Variants in MICU2 observed in about 807,000 individuals in gnomAD.
The protein encoded by MICU2 is calcium uptake protein 2, mitochondrial.
MICU2 carries 64 observed loss-of-function variants against 60.4 expected under a neutral mutation model. The ratio of observed to expected loss-of-function variants is 1.06; its 90% CI spans 0.87 to 1.31. The LOEUF is 1.31. MICU2 is among the 50% of genes most tolerant of loss of function. The pLI, the probability that MICU2 is intolerant of heterozygous loss-of-function variation, is 0.00. For missense variants in MICU2, 569 were observed against 531.0 expected (o/e 1.07, Z -0.70); for synonymous variants, 201 against 175.0 (o/e 1.15, Z -1.17).
intron 4 of MICU2, among the ~76,000 whole-genome samples, chr13:21,532,123 A>C (rs1313331848): frequency 1.3e-5 from 2 of 152,244 alleles, no homozygotes; most frequent in Non-Finnish European, 2.9e-5. Flanking sequence ...AATGAAGAGA[A>C]CACTGATCTC....
intron 1 of MICU2, among the ~76,000 whole-genome samples, chr13:21,580,951 A>G (rs76214969): frequency 0.015 from 2,283 of 152,230 alleles, 43 homozygotes; most frequent in African/African-American, 0.047. Context: ...ACTGGGTTAG[A>G]ATAGAGAATG....
chr13:21,493,734 T>C (rs1054250891), intron 11 of MICU2, among the ~76,000 whole-genome samples: 1 of 151,792 alleles, frequency 6.6e-6, no homozygotes, highest in African/African-American at 2.4e-5. Flanking sequence ...TGTTTAGCTA[T>C]GTAGAATACA....
intron 2 of MICU2, among the ~76,000 whole-genome samples, chr13:21,555,378 A>G (rs1473194230): frequency 3.3e-5 from 5 of 152,230 alleles, no homozygotes; most frequent in Non-Finnish European, 7.3e-5. Context: ...ACGAAAATCA[A>G]TAAACGTAAT....
At chr13:21,555,310 A>G (rs1887679037) in intron 2 of MICU2, among the ~76,000 whole-genome samples, 1 of 152,210 alleles carries the variant, frequency 6.6e-6, no homozygotes, top group African/African-American at 2.4e-5. Flanking sequence ...CACATCAAAA[A>G]GCTTATCCAC....
intron 4 of MICU2, among the ~76,000 whole-genome samples, chr13:21,536,965 C>T (rs1887144726): frequency 6.6e-6 from 1 of 152,222 alleles, no homozygotes; most frequent in Non-Finnish European, 1.5e-5. Flanking sequence ...AGCTTAGAAA[C>T]TGTAAATTCA....
chr13:21,553,476 G>C (rs1233424548), intron 2 of MICU2, among the ~76,000 whole-genome samples: 2 of 152,026 alleles, frequency 1.3e-5, no homozygotes, highest in South Asian at 2.1e-4. Context: ...ATGTTGAATA[G>C]GAGTGGTGAG....
At chr13:21,575,380 C>T (rs1888198881) in intron 1 of MICU2, among the ~76,000 whole-genome samples, 1 of 150,670 alleles carries the variant, frequency 6.6e-6, no homozygotes, top group South Asian at 2.1e-4. Flanking sequence ...ATATTTCTGT[C>T]TCTGTTTGAA....
chr13:21,507,932 CTT>C (rs1490921163), intron 8 of MICU2, among the ~76,000 whole-genome samples: 1 of 151,526 alleles, frequency 6.6e-6, no homozygotes, highest in Non-Finnish European at 1.5e-5. Context: ...TTCTCTCTTT[CTT>C]TCTTTCTTTT....
chr13:21,578,324 C>A (rs187182445), intron 1 of MICU2, among the ~76,000 whole-genome samples: 1 of 152,218 alleles, frequency 6.6e-6, no homozygotes, highest in African/African-American at 2.4e-5. Context: ...TAGTGGCCCA[C>A]GCCTTTAATC....
chr13:21,512,927 T>C (rs897368557), intron 7 of MICU2, among the ~76,000 whole-genome samples: 1 of 152,194 alleles, frequency 6.6e-6, no homozygotes. Context: ...TTTATTCTTT[T>C]ACACATAGAT....
At chr13:21,494,664 T>C (rs1414893916) in intron 11 of MICU2, among the ~76,000 whole-genome samples, 2 of 152,154 alleles carry the variant, frequency 1.3e-5, no homozygotes, top group Non-Finnish European at 2.9e-5. Flanking sequence ...TCTAATTACA[T>C]GTAGTTAGTC....
chr13:21,525,979 G>A (rs563693662), intron 4 of MICU2, among the ~76,000 whole-genome samples: 6 of 151,438 alleles, frequency 4.0e-5, no homozygotes, highest in African/African-American at 1.5e-4. Flanking sequence ...CTGTTTCCCG[G>A]GCTGGAGTAC....
intron 2 of MICU2, among the ~76,000 whole-genome samples, chr13:21,555,005 C>A (rs1466203449): frequency 6.6e-6 from 1 of 152,086 alleles, no homozygotes; most frequent in African/African-American, 2.4e-5. Flanking sequence ...CAATAACAGG[C>A]TCTGAAATTG....
chr13:21,549,116 A>G (rs776751102), intron 2 of MICU2, among the ~76,000 whole-genome samples: 6 of 151,452 alleles, frequency 4.0e-5, no homozygotes, highest in African/African-American at 1.2e-4. Flanking sequence ...TTTTTAGTAG[A>G]GACGGGGTTT....
intron 2 of MICU2, among the ~76,000 whole-genome samples, chr13:21,559,818 C>A (rs950283619): frequency 2.6e-5 from 4 of 152,156 alleles, no homozygotes; most frequent in Non-Finnish European, 5.9e-5. Context: ...AGCCACCATG[C>A]CCAGCCCAAA....
At position 21,502,966 on chromosome 13, in the gene MICU2, A is replaced by G. The variant is rs762263379; in HGVS notation, c.893T>C (p.Ile298Thr). The change falls in exon 9 of 12, where the codon ATT becomes ACT. Residue 298 changes from isoleucine to threonine, a missense_variant. By Grantham distance (89) the Ile-to-Thr change is moderately conservative (BLOSUM62 -1). Transcript: ENST00000382374. ...LFFTNTENKD[I>T]YWKNVREKLS... ...CTTCTCTCTCACATTTTTCCAATAA[A>G]TATCTTTATTTTCAGTGTTAGTGAA... The G allele has an allele frequency of 6.2e-7, 1 of 1,612,204 alleles. No individual in the cohort carries two copies. The highest frequency in any genetic ancestry group is 8.5e-7 in the Non-Finnish European group (1 of 1,179,648).
chr13:21,586,739 A>G (rs903802526), intron 1 of MICU2, among the ~76,000 whole-genome samples: 3 of 152,152 alleles, frequency 2.0e-5, no homozygotes, highest in Non-Finnish European at 4.4e-5. Context: ...AGTCTTCCTT[A>G]TAGCTTAAGC....
At chr13:21,514,602 C>T (rs1230691836) in intron 6 of MICU2, among the ~76,000 whole-genome samples, 184 bp from the exon 7 acceptor site, 5 of 152,002 alleles carry the variant, frequency 3.3e-5, no homozygotes, top group South Asian at 2.1e-4. Context: ...GGCGCAATCT[C>T]GGCTTACTGC....
chr13:21,570,554 T>A lies in MICU2; in HGVS notation c.211-3610A>T, dbSNP rs1399206450. On this transcript the variant is annotated intron_variant, in intron 1 of 11. Transcript: ENST00000382374. ...GAAAAAAGGTGCCTTATTATATCAT[T>A]TCCACGAATGCACTGTAATAAAAGT... 2.0e-5 allele frequency among the ~76,000 whole-genome samples: 3 copies of A among 152,204 alleles called. 1 individual carries two copies. In the South Asian group the frequency reaches 6.2e-4, roughly 31 times the overall value.
Sources: gnomAD v4.1 joint callset for allele counts (sites outside exome capture counted in the v4.1 genomes callset) on GRCh38, gnomAD v4.1.1 for gene constraint, MANE v1.5 for transcripts, NCBI Gene and HGNC (gene_info 2026-07-23, HGNC 2026-07-21) for gene names.